The following TKT variants were observed in gnomAD, a reference collection of about 807,000 sequenced individuals.
TKT encodes transketolase, also known as epididymis luminal protein 107.
A neutral mutation model predicts 63.9 loss-of-function variants in TKT; 47 were observed. That is an observed-to-expected ratio of 0.74 (90% CI 0.58 to 0.94). TKT has a LOEUF of 0.94. Among genes scored for constraint, TKT ranks in the 40% least tolerant of loss-of-function variants. The pLI is 0.00. For missense variants in TKT, 721 were observed against 846.2 expected (o/e 0.85, Z 1.84); for synonymous variants, 338 against 334.1 (o/e 1.01, Z -0.13).
chr3:53,224,997 C>T lies in TKT; in HGVS notation c.*759G>A, dbSNP rs13093936. ...GTCACCTAGGAACAGCAGAGCAGGT[C>T]GGGGCTGGAGCTTGGGACTGCAGAA... is the stretch of plus-strand genomic sequence containing the variant. On this transcript the variant is annotated 3_prime_UTR_variant, in exon 14 of 14. Coordinates refer to ENST00000462138, the MANE Select transcript of TKT (RefSeq NM_001064.4). The T allele has an allele frequency of 0.15, 22,182 of 152,230 alleles. 2,243 individuals carry two copies. The highest frequency in any genetic ancestry group is 0.21 in the Non-Finnish European group (14,593 of 68,004). 9.4% of individuals were successfully genotyped at this position (152,230 alleles called of 1,614,324 possible). A position where few individuals can be genotyped will look rare whatever the true frequency, so the allele number is the denominator to read the frequency against.
chr3:53,228,599 T>A, intron 10 of TKT: 1 of 538,812 alleles, frequency 1.9e-6, no homozygotes, highest in South Asian at 2.0e-5. Flanking sequence ...GTAGACTGGC[T>A]GCAGGTGGGC....
rs782765627 is a variant in TKT, at chr3:53,235,198, C to T, written c.438-24G>A. ...AGCTGTGGACAGAGAGTGAATCAGGCCAGTCCCTCTCACCTGGACCCAGCT... is the reference window on the plus strand; with the variant it reads ...AGCTGTGGACAGAGAGTGAATCAGGTCAGTCCCTCTCACCTGGACCCAGCT... On this transcript the variant is annotated intron_variant, in intron 4 of 13. Coordinates refer to ENST00000462138, the MANE Select transcript of TKT (RefSeq NM_001064.4). 20 of 1,587,768 alleles carry T rather than the reference C, an allele frequency of 1.3e-5. No homozygotes were observed. In the East Asian group the frequency reaches 4.5e-4, roughly 36 times the overall value.
At chr3:53,245,585 G>C (rs1370409823) in intron 1 of TKT, among the ~76,000 whole-genome samples, 5 of 152,148 alleles carry the variant, frequency 3.3e-5, no homozygotes, top group Non-Finnish European at 5.9e-5. Flanking sequence ...GCGGCTCAAA[G>C]ACCAGCCTGG....
intron 1 of TKT, among the ~76,000 whole-genome samples, chr3:53,243,393 A>T (rs1385333454): frequency 2.7e-5 from 4 of 149,674 alleles, no homozygotes; most frequent in African/African-American, 7.7e-5. Context: ...GACACGCCGC[A>T]TGCCAAGCCC....
In TKT at chr3:53,248,578, A is replaced by G. The variant is rs117139937; in HGVS notation, c.108-6336T>C. Among the ~76,000 whole-genome samples the G allele has an allele frequency of 6.7e-3, 1,027 of 152,278 alleles. 80 individuals carry two copies. In the South Asian group the frequency reaches 0.16, roughly 23 times the overall value. On this transcript the variant is annotated intron_variant, in intron 1 of 13. Coordinates refer to ENST00000462138, the MANE Select transcript of TKT (RefSeq NM_001064.4). The stretch of plus-strand genomic sequence containing the variant: ...CGGGAGGTTGAGGCTGCAGTGTGCC[A>G]TGACTGTGCCATTGCACTCCAGCTT...
chr3:53,252,524 T>C (rs182074947), intron 1 of TKT, among the ~76,000 whole-genome samples: 1 of 152,382 alleles, frequency 6.6e-6, no homozygotes, highest in Admixed American at 6.5e-5. Flanking sequence ...ATATCCTTTT[T>C]TTCTTTTGCA....
At position 53,255,827 on chromosome 3, in the gene TKT, C is replaced by G. The variant is rs1705969059; in HGVS notation, c.107+9G>C. On this transcript the variant is annotated intron_variant, in intron 1 of 13. Transcript: ENST00000462138. ...CGAGCCGCGTCCCCGGCCGGCGCCG[C>G]GCACTCACCCAGAGCCCGCCGCAGT... The G allele has an allele frequency of 2.0e-6, 3 of 1,497,886 alleles. No homozygotes were observed. Among genetic ancestry groups the G allele is most frequent in the Non-Finnish European group, 2.7e-6 (3 of 1,121,376 alleles). The allele number at this position is 1,497,886 out of a possible 1,614,324, so 92.8% of individuals were successfully genotyped here.
chr3:53,241,677 T>TCCCCATC (rs1553679911), intron 2 of TKT, among the ~76,000 whole-genome samples: 2 of 148,776 alleles, frequency 1.3e-5, no homozygotes, highest in African/African-American at 5.0e-5. Context: ...AAGGGGGGGG[T>TCCCCATC]CAGGGGGTCC....
intron 1 of TKT, among the ~76,000 whole-genome samples, chr3:53,245,649 G>A (rs1277071897): frequency 6.6e-6 from 1 of 152,090 alleles, no homozygotes; most frequent in Admixed American, 6.5e-5. Context: ...GCCGGGCGTG[G>A]TGGCACATGC....
intron 4 of TKT, among the ~76,000 whole-genome samples, chr3:53,238,096 C>G (rs1553679099): frequency 6.6e-6 from 1 of 152,160 alleles, no homozygotes; most frequent in African/African-American, 2.4e-5. Flanking sequence ...CTGGCCCCTT[C>G]CCCCAGGTAC....
intron 1 of TKT, among the ~76,000 whole-genome samples, chr3:53,248,064 G>A (rs781888591): frequency 1.3e-5 from 2 of 152,182 alleles, no homozygotes; most frequent in African/African-American, 2.4e-5. Flanking sequence ...TTGAGCCTCA[G>A]TTTCCTCACT....
intron 5 of TKT, chr3:53,234,701 C>G (rs1259401080): frequency 1.6e-5 from 5 of 309,208 alleles, no homozygotes; most frequent in African/African-American, 1.1e-4. Context: ...TCCTCAAGAA[C>G]AAAGCGAGCT....
chr3:53,241,339 G>A lies in TKT; in HGVS notation c.226-94C>T, dbSNP rs1705266205. The A allele has an allele frequency of 8.5e-6, 9 of 1,053,158 alleles. 1 individual carries two copies. In the South Asian group the frequency reaches 1.3e-4, roughly 15 times the overall value. The allele number at this position is 1,053,158 out of a possible 1,614,324, so 65.2% of individuals were successfully genotyped here. A position where few individuals can be genotyped will look rare whatever the true frequency, so the allele number is the denominator to read the frequency against. On this transcript the variant is annotated intron_variant, in intron 2 of 13. Coordinates refer to ENST00000462138, the MANE Select transcript of TKT (RefSeq NM_001064.4). Reference sequence around the variant, plus strand: ...ACACTGACCCCTGGGGCCCGGCCGAGCCGGCCAACTGCAGCATCCATTTCA... The same window carrying A: ...ACACTGACCCCTGGGGCCCGGCCGAACCGGCCAACTGCAGCATCCATTTCA...
At position 53,226,865 on chromosome 3, in the gene TKT, G is replaced by C; in HGVS notation, c.1587C>G (p.Ile529Met). 1.9e-6 allele frequency: 3 copies of C among 1,610,114 alleles called. No individual in the cohort carries two copies. Among genetic ancestry groups the C allele is most frequent in the Non-Finnish European group, 2.5e-6 (3 of 1,177,752 alleles). The change falls in exon 13 of 14, where the codon ATC (isoleucine) becomes ATG (methionine). Residue 529 changes from isoleucine (I) to methionine (M), a missense_variant. Coordinates refer to ENST00000462138, the MANE Select transcript of TKT (RefSeq NM_001064.4). ...AELLKKEKINIRVLDPFTIKP... is the reference protein window; with the variant it reads ...AELLKKEKINMRVLDPFTIKP... ...TGATGGTGAAGGGGTCCAGCACGCG[G>C]ATGTTGATCTTTTCTGTGAGGGAGA...
At chr3:53,242,343 G>T (rs1705319737) in intron 1 of TKT, 101 bp from the exon 2 acceptor site, 2 of 1,139,698 alleles carry the variant, frequency 1.8e-6, no homozygotes, top group South Asian at 2.5e-5. Flanking sequence ...GTCCTGAGGA[G>T]TCACACAGGC....
chr3:53,240,373 A>G (rs1553679554), intron 3 of TKT, 25 bp from the exon 4 acceptor site: 1 of 1,600,816 alleles, frequency 6.2e-7, no homozygotes, highest in East Asian at 2.2e-5. Flanking sequence ...GGCCACCGTT[A>G]ATCTGAGAGG....
intron 12 of TKT, 59 bp from the exon 13 acceptor site, chr3:53,226,937 G>C: frequency 6.5e-7 from 1 of 1,543,874 alleles, no homozygotes; most frequent in Non-Finnish European, 8.7e-7. Context: ...TATCTGCCCT[G>C]GTGGGGGCCT....
At chr3:53,233,547 T>C (rs969981885) in intron 5 of TKT, 6 of 345,038 alleles carry the variant, frequency 1.7e-5, no homozygotes, top group South Asian at 1.4e-4. Context: ...AGTTCCTTTA[T>C]TGTCTCTTTC....
At chr3:53,241,845 A>G in intron 2 of TKT, 3 of 430,528 alleles carry the variant, frequency 7.0e-6, no homozygotes, top group South Asian at 6.6e-5. Context: ...AACACACAAC[A>G]GATGTTTCCG....
Sources: gnomAD v4.1 joint callset for allele counts (sites outside exome capture counted in the v4.1 genomes callset) on GRCh38, gnomAD v4.1.1 for gene constraint, MANE v1.5 for transcripts, NCBI Gene and HGNC (gene_info 2026-07-23, HGNC 2026-07-21) for gene names.